MKLN1: variants seen among roughly 807,000 people sequenced by gnomAD.
MKLN1 encodes muskelin.
Under a neutral mutation model 99.0 loss-of-function variants are expected in MKLN1, and 18 were observed. That is an observed-to-expected ratio of 0.18 (90% CI 0.13 to 0.27). The LOEUF (loss-of-function observed/expected upper bound fraction) is 0.27, where lower values mean the gene tolerates loss of function less well. Among genes scored for constraint, MKLN1 ranks in the 10% least tolerant of loss-of-function variants. The probability of loss-of-function intolerance (pLI) is 1.00; values close to 1 mark genes in which losing one functional copy is unlikely to be tolerated. For synonymous variants in MKLN1, 288 were observed against 293.2 expected, an observed-to-expected ratio of 0.98 and a Z score of 0.18; for missense variants, 621 against 875.9, an observed-to-expected ratio of 0.71 and a Z score of 3.67.
At chr7:131,349,362 ATTTTTTGTAT>A (rs958289364) in intron 1 of MKLN1, among the ~76,000 whole-genome samples, 17 of 151,946 alleles carry the variant, frequency 1.1e-4, no homozygotes, top group African/African-American at 4.1e-4. Context: ...CGCCCAGCTA[ATTTTTTGTAT>A]TTTTAGTAGA....
chr7:131,205,416 A>G lies in MKLN1; in HGVS notation c.-179+2442A>G, dbSNP rs187992501. ...CGCTTCTTGGGCATAGTCAGACATTATTACCTTTATTTGGTGATATGAAAA... is the reference window on the plus strand; with the variant it reads ...CGCTTCTTGGGCATAGTCAGACATTGTTACCTTTATTTGGTGATATGAAAA... On this transcript the variant is annotated intron_variant, in intron 3 of 7. Transcript: ENST00000416992. Among the ~76,000 whole-genome samples, 4 of 152,332 alleles carry G rather than the reference A, an allele frequency of 2.6e-5. No individual in the cohort carries two copies. The East Asian group carries it at 7.7e-4, about 29-fold the overall frequency.
rs777112763 is a variant in MKLN1 at position 131,397,352 on chromosome 7, A to G, written c.486A>G (p.Gln162=). Residue 162 remains glutamine, a synonymous_variant, in exon 5 of 18, where the codon CAA becomes CAG. Transcript: ENST00000352689. ...LSGIDDPDIV[Q]PCLNWYSKYR... is the part of the protein sequence containing the mutation. The stretch of plus-strand genomic sequence containing the variant: ...GCATTGATGATCCTGATATAGTACA[A>G]CCTTGTCTCAACTGGTATAGCAAGG... 9.3e-6 allele frequency: 15 copies of G among 1,608,924 alleles called. No individual in the cohort carries two copies. The African/African-American group carries it at 1.3e-4, about 14-fold the overall frequency.
intron 1 of MKLN1, among the ~76,000 whole-genome samples, 185 bp from the exon 2 acceptor site, chr7:131,375,239 T>G: frequency 6.6e-6 from 1 of 152,184 alleles, no homozygotes; most frequent in South Asian, 2.1e-4. Flanking sequence ...AATACCACCT[T>G]TGTCATATTT....
In MKLN1 at chr7:131,493,847, C is replaced by A. The variant is rs1797484145; in HGVS notation, c.*6119C>A. The A allele has an allele frequency of 1.3e-5, 2 of 152,168 alleles. No individual in the cohort carries two copies. The highest frequency in any genetic ancestry group is 4.8e-5 in the African/African-American group (2 of 41,440). The allele number at this position is 152,168 out of a possible 1,614,324, so 9.4% of individuals were successfully genotyped here. A position where few individuals can be genotyped will look rare whatever the true frequency, so the allele number is the denominator to read the frequency against. ...TCTGCCACACAAAGCCTGAGGAGATCATCATTCTTCAGTTTCATTCATTAC... is the reference window on the plus strand; with the variant it reads ...TCTGCCACACAAAGCCTGAGGAGATAATCATTCTTCAGTTTCATTCATTAC... On this transcript the variant is annotated 3_prime_UTR_variant, in exon 18 of 18. Transcript: ENST00000352689.
chr7:131,335,091 C>T (rs1027488202), intron 1 of MKLN1, among the ~76,000 whole-genome samples: 4 of 152,098 alleles, frequency 2.6e-5, no homozygotes, highest in Admixed American at 2.6e-4. Flanking sequence ...TCAGATAAAG[C>T]TCTGAGAAGT....
At chr7:131,415,923 T>C (rs1795004282) in intron 8 of MKLN1, among the ~76,000 whole-genome samples, 1 of 152,172 alleles carries the variant, frequency 6.6e-6, no homozygotes, top group African/African-American at 2.4e-5. Flanking sequence ...TCTCCATCAG[T>C]ACTATAAGGA....
At chr7:131,345,604 C>T (rs1193924282) in intron 1 of MKLN1, among the ~76,000 whole-genome samples, 1 of 152,074 alleles carries the variant, frequency 6.6e-6, no homozygotes. Flanking sequence ...GTTCTAGCTA[C>T]TTGAGAGGCT....
intron 1 of MKLN1, among the ~76,000 whole-genome samples, chr7:131,142,604 G>A (rs1013532500): frequency 5.3e-5 from 8 of 151,420 alleles, no homozygotes; most frequent in Middle Eastern, 3.4e-3. Context: ...GCGTGTAGGC[G>A]GGCGCCTGTA....
intron 3 of MKLN1, among the ~76,000 whole-genome samples, chr7:131,293,300 G>T (rs988414832): frequency 6.6e-6 from 1 of 152,194 alleles, no homozygotes; most frequent in Non-Finnish European, 1.5e-5. Context: ...AAAATCAGCT[G>T]AGCCCAGTCC....
At chr7:131,283,604 T>C (rs991668253) in intron 3 of MKLN1, among the ~76,000 whole-genome samples, 1 of 151,766 alleles carries the variant, frequency 6.6e-6, no homozygotes, top group African/African-American at 2.4e-5. Flanking sequence ...CTGGCTAATT[T>C]TTGTATTTTT....
chr7:131,270,904 A>G (rs1471496905), intron 3 of MKLN1, among the ~76,000 whole-genome samples: 2 of 151,938 alleles, frequency 1.3e-5, no homozygotes, highest in East Asian at 3.9e-4. Flanking sequence ...CTCTGTAAAA[A>G]CCAGCTTCTT....
chr7:131,414,708 C>T lies in MKLN1; in HGVS notation c.845C>T (p.Thr282Ile). Residue 282 changes from threonine to isoleucine, a missense_variant and splice_region_variant, in exon 8 of 18, where the codon ACA (threonine) becomes ATA (isoleucine). Coordinates refer to ENST00000352689, the MANE Select transcript of MKLN1 (RefSeq NM_013255.5). ...CATCAGATGGTTATTGATGTTCAAA[C>T]AGGTGAGTAGCAGTTGCAGTGGAAA... Reference protein sequence around the residue: ...GGHQMVIDVQTETVYLFGGWD... With the variant: ...GGHQMVIDVQIETVYLFGGWD... The T allele has an allele frequency of 1.3e-6, 2 of 1,597,186 alleles. No individual in the cohort carries two copies. The highest frequency in any genetic ancestry group is 1.1e-5 in the South Asian group (1 of 90,026).
At chr7:131,355,628 C>CCATATATATATATA (rs780680120) in intron 1 of MKLN1, among the ~76,000 whole-genome samples, 2 of 136,922 alleles carry the variant, frequency 1.5e-5, no homozygotes, top group Admixed American at 7.1e-5. Flanking sequence ...TAACTTGATA[C>CCATATATATATATA]TATATATATA....
chr7:131,417,190 G>A (rs3847108), intron 8 of MKLN1, among the ~76,000 whole-genome samples: 7,395 of 152,024 alleles, frequency 0.049, 466 homozygotes, highest in African/African-American at 0.15. Context: ...AGAAAAATCG[G>A]CCTATATCCA....
At chr7:131,252,707 A>G (rs1429839979) in intron 3 of MKLN1, among the ~76,000 whole-genome samples, 1 of 152,138 alleles carries the variant, frequency 6.6e-6, no homozygotes, top group African/African-American at 2.4e-5. Flanking sequence ...TAGCATCACC[A>G]AGAAAACTAG....
chr7:131,257,282 A>G (rs1001668108), intron 3 of MKLN1, among the ~76,000 whole-genome samples: 1 of 152,246 alleles, frequency 6.6e-6, no homozygotes, highest in African/African-American at 2.4e-5. Context: ...ACTTCTGACC[A>G]CAATGACACA....
At chr7:131,183,658 A>G (rs1796406402) in intron 2 of MKLN1, among the ~76,000 whole-genome samples, 1 of 152,216 alleles carries the variant, frequency 6.6e-6, no homozygotes, top group African/African-American at 2.4e-5. Flanking sequence ...ATGGCCTGAA[A>G]AATGTATGTG....
intron 8 of MKLN1, among the ~76,000 whole-genome samples, chr7:131,417,036 C>T (rs1437588434): frequency 7.0e-6 from 1 of 143,652 alleles, no homozygotes; most frequent in Non-Finnish European, 1.5e-5. Context: ...TGAGTAACTA[C>T]TAGATTTACT....
At chr7:131,305,797 A>G (rs995980862) in intron 3 of MKLN1, among the ~76,000 whole-genome samples, 4 of 152,142 alleles carry the variant, frequency 2.6e-5, no homozygotes, top group Non-Finnish European at 4.4e-5. Flanking sequence ...TTCCATAAAT[A>G]TATGTTGCAA....
Sources: allele counts gnomAD v4.1 joint callset (sites outside exome capture counted in the v4.1 genomes callset), GRCh38; gene constraint gnomAD v4.1.1; transcripts MANE v1.5; gene names NCBI Gene and HGNC (gene_info 2026-07-23, HGNC 2026-07-21).